PLS1: variants seen among roughly 807,000 people sequenced by gnomAD.
PLS1 encodes the protein plastin-1.
In PLS1, 32 loss-of-function variants were observed where a neutral mutation model predicts 73.7. The observed-to-expected ratio is 0.43, with a 90% confidence interval of 0.33 to 0.58. The LOEUF (loss-of-function observed/expected upper bound fraction) is 0.58, where lower values mean the gene tolerates loss of function less well. PLS1 is among the 20% of genes least tolerant of loss of function. PLS1 has a pLI of 0.04. For synonymous variants in PLS1, 217 were observed against 261.3 expected (o/e 0.83, Z 1.63); for missense variants, 633 against 740.5 (o/e 0.85, Z 1.68).
At chr3:142,615,193 A>G (rs532019212) in intron 1 of PLS1, among the ~76,000 whole-genome samples, 1 of 152,302 alleles carries the variant, frequency 6.6e-6, no homozygotes, top group East Asian at 1.9e-4. Flanking sequence ...CATGGTCTGG[A>G]CAATTGTTGA....
At chr3:142,692,838 C>CAT (rs537209567) in intron 10 of PLS1, among the ~76,000 whole-genome samples, 161 of 150,686 alleles carry the variant, frequency 1.1e-3, no homozygotes, top group Non-Finnish European at 9.0e-4. Context: ...CTATTAGAAA[C>CAT]ATATATATAT....
At chr3:142,650,778 A>C (rs2037069778) in intron 1 of PLS1, among the ~76,000 whole-genome samples, 1 of 152,200 alleles carries the variant, frequency 6.6e-6, no homozygotes, top group Admixed American at 6.5e-5. Flanking sequence ...CAGACATTAT[A>C]ATGATGGGGA....
At chr3:142,663,809 T>C (rs2037423245) in intron 1 of PLS1, among the ~76,000 whole-genome samples, 1 of 152,232 alleles carries the variant, frequency 6.6e-6, no homozygotes, top group South Asian at 2.1e-4. Context: ...TTTGTAGACA[T>C]TATTCGTGTC....
At chr3:142,709,448 C>G (rs575318829) in intron 14 of PLS1, among the ~76,000 whole-genome samples, 3 of 152,320 alleles carry the variant, frequency 2.0e-5, no homozygotes, top group African/African-American at 7.2e-5. Flanking sequence ...GGCCAAAGAT[C>G]TGTATCATAA....
chr3:142,666,075 G>A (rs1049925378), intron 2 of PLS1, among the ~76,000 whole-genome samples: 1 of 152,140 alleles, frequency 6.6e-6, no homozygotes, highest in African/African-American at 2.4e-5. Context: ...AGAGGAACAC[G>A]GCCATCCAAT....
intron 10 of PLS1, among the ~76,000 whole-genome samples, chr3:142,693,958 C>A (rs967438911): frequency 1.3e-4 from 19 of 151,742 alleles, no homozygotes; most frequent in African/African-American, 4.6e-4. Flanking sequence ...TACCTGTAAT[C>A]CCCTCTGCCC....
chr3:142,654,518 AT>A (rs1056959167), intron 1 of PLS1, among the ~76,000 whole-genome samples: 36 of 151,732 alleles, frequency 2.4e-4, no homozygotes, highest in Non-Finnish European at 4.6e-4. Context: ...CTAACTTAAA[AT>A]TTTTTTTCTT....
chr3:142,705,710 C>T (rs1421839773), intron 14 of PLS1, among the ~76,000 whole-genome samples: 1 of 152,166 alleles, frequency 6.6e-6, no homozygotes, highest in Non-Finnish European at 1.5e-5. Flanking sequence ...GCTCTATATG[C>T]TTAACAACAT....
intron 6 of PLS1, 24 bp downstream of exon 6, chr3:142,678,137 T>C: frequency 8.5e-7 from 1 of 1,182,146 alleles, no homozygotes; most frequent in Non-Finnish European, 1.2e-6. Flanking sequence ...CTTTGCTTAT[T>C]ATCATGTTAC....
At chr3:142,650,595 G>A (rs939870898) in intron 1 of PLS1, among the ~76,000 whole-genome samples, 1 of 152,108 alleles carries the variant, frequency 6.6e-6, no homozygotes, top group African/African-American at 2.4e-5. Context: ...CTGTGGCTGG[G>A]GAATATGATG....
At position 142,629,364 on chromosome 3, in the gene PLS1, G is replaced by A. The variant is rs556228637; in HGVS notation, c.-37+32855G>A. 1.2e-4 allele frequency among the ~76,000 whole-genome samples: 18 copies of A among 152,078 alleles called. No individual in the cohort carries two copies. The East Asian group carries it at 2.1e-3, about 18-fold the overall frequency. On this transcript the variant is annotated intron_variant, in intron 1 of 15. Coordinates refer to ENST00000457734, the MANE Select transcript of PLS1 (RefSeq NM_001145319.2). ...ATTACAGGTGCACACCACCATGCCC[G>A]GCTAATTTTTGTATTTTTAGTAGAG...
chr3:142,623,765 C>T (rs1420152531), intron 1 of PLS1, among the ~76,000 whole-genome samples: 1 of 152,116 alleles, frequency 6.6e-6, no homozygotes, highest in African/African-American at 2.4e-5. Context: ...TTAATTATCT[C>T]TTCATTTTTC....
chr3:142,601,672 C>G (rs1053054037), intron 1 of PLS1, among the ~76,000 whole-genome samples: 4 of 151,860 alleles, frequency 2.6e-5, no homozygotes, highest in Non-Finnish European at 5.9e-5. Flanking sequence ...GACCAACGTG[C>G]CCGGCTTATT....
chr3:142,606,486 C>G (rs886398070), intron 1 of PLS1, among the ~76,000 whole-genome samples: 2 of 152,150 alleles, frequency 1.3e-5, no homozygotes, highest in Non-Finnish European at 2.9e-5. Context: ...TTGGCTGTGA[C>G]AGTTTCTCAG....
intron 2 of PLS1, among the ~76,000 whole-genome samples, chr3:142,667,094 T>C (rs1373157139): frequency 2.0e-5 from 3 of 152,162 alleles, no homozygotes; most frequent in Non-Finnish European, 4.4e-5. Context: ...GGGAATGACA[T>C]TAGTAACCAC....
At chr3:142,632,762 C>T (rs1490407682) in intron 1 of PLS1, among the ~76,000 whole-genome samples, 1 of 152,026 alleles carries the variant, frequency 6.6e-6, no homozygotes, top group African/African-American at 2.4e-5. Context: ...CCATACCCGG[C>T]TAATTTTTAT....
intron 1 of PLS1, among the ~76,000 whole-genome samples, chr3:142,612,343 A>C (rs2036138714): frequency 6.6e-6 from 1 of 152,146 alleles, no homozygotes; most frequent in Admixed American, 6.5e-5. Context: ...CCAGTGCCAA[A>C]ATTGTAATAC....
chr3:142,654,285 C>T (rs2037168608), intron 1 of PLS1, among the ~76,000 whole-genome samples: 1 of 152,060 alleles, frequency 6.6e-6, no homozygotes, highest in South Asian at 2.1e-4. Flanking sequence ...AAAGCTTCAC[C>T]TAGGGAAGAA....
intron 1 of PLS1, among the ~76,000 whole-genome samples, chr3:142,659,313 G>T (rs1354971814): frequency 6.6e-6 from 1 of 152,066 alleles, no homozygotes; most frequent in African/African-American, 2.4e-5. Flanking sequence ...GAATAGCTGG[G>T]AAATGAAAAG....
Sources: allele counts gnomAD v4.1 joint callset (sites outside exome capture counted in the v4.1 genomes callset), GRCh38; gene constraint gnomAD v4.1.1; transcripts MANE v1.5; gene names NCBI Gene and HGNC (gene_info 2026-07-23, HGNC 2026-07-21).